The following KLHL1 variants were observed in gnomAD, a reference collection of about 807,000 sequenced individuals.
KLHL1 encodes the protein kelch like family member 1.
A neutral mutation model predicts 77.7 loss-of-function variants in KLHL1; 47 were observed. The observed-to-expected ratio is 0.60, with a 90% CI of 0.48 to 0.77. The LOEUF is 0.77. KLHL1 is among the 30% of genes least tolerant of loss of function. The pLI, the probability that KLHL1 is intolerant of heterozygous loss-of-function variation, is 0.00. For synonymous variants in KLHL1, 360 were observed against 325.2 expected (o/e 1.11, Z -1.15); for missense variants, 925 against 910.8 (o/e 1.02, Z -0.20).
intron 4 of KLHL1, among the ~76,000 whole-genome samples, chr13:69,883,683 A>AT (rs1883365654): frequency 6.6e-6 from 1 of 152,256 alleles, no homozygotes; most frequent in African/African-American, 2.4e-5. Context: ...TATTTGCTGA[A>AT]TACATGAATT....
intron 4 of KLHL1, among the ~76,000 whole-genome samples, chr13:69,918,585 C>A (rs1374274346): frequency 1.3e-5 from 2 of 151,888 alleles, no homozygotes; most frequent in Admixed American, 6.6e-5. Flanking sequence ...TTAATGGCAG[C>A]TAACTGCAGA....
intron 8 of KLHL1, among the ~76,000 whole-genome samples, chr13:69,720,114 C>A (rs1310129483): frequency 6.6e-6 from 1 of 151,876 alleles, no homozygotes; most frequent in Non-Finnish European, 1.5e-5. Flanking sequence ...TATACTATAG[C>A]TAAAAACAAG....
intron 6 of KLHL1, among the ~76,000 whole-genome samples, chr13:69,830,440 A>G (rs1593868569): frequency 6.7e-6 from 1 of 150,254 alleles, no homozygotes; most frequent in African/African-American, 2.5e-5. Context: ...GAGGTCCCAA[A>G]TTTATAAAAC....
At chr13:70,015,870 A>G (rs1386301583) in intron 1 of KLHL1, among the ~76,000 whole-genome samples, 4 of 152,210 alleles carry the variant, frequency 2.6e-5, no homozygotes, top group Non-Finnish European at 5.9e-5. Context: ...TAATATTACC[A>G]TAACATAACT....
intron 9 of KLHL1, among the ~76,000 whole-genome samples, chr13:69,714,569 T>TTTTTA (rs538358988): frequency 2.1e-4 from 32 of 151,844 alleles, no homozygotes; most frequent in African/African-American, 3.4e-4. Context: ...ATCCAAATTA[T>TTTTTA]TTTTATTTTA....
Position 70,108,068 on chromosome 13 carries a change from G to A in KLHL1, c.-369C>T, listed in dbSNP as rs752975861. 7.2e-6 allele frequency: 3 copies of A among 418,150 alleles called. No individual in the cohort carries two copies. Among genetic ancestry groups the A allele is most frequent in the Non-Finnish European group, 1.3e-5 (3 of 237,060 alleles). 25.9% of individuals were successfully genotyped at this position (418,150 alleles called of 1,614,324 possible). On this transcript the variant is annotated 5_prime_UTR_variant, in exon 1 of 11. Transcript: ENST00000377844. ...ATGCGCGAGGGAGGGAGGTCTGAGC[G>A]CTCCGAAGCTCCGGAGGCGGCTGCA...
intron 8 of KLHL1, among the ~76,000 whole-genome samples, chr13:69,731,521 C>G (rs1022578592): frequency 1.3e-5 from 2 of 152,076 alleles, no homozygotes; most frequent in African/African-American, 4.8e-5. Flanking sequence ...TGGAGTTTTT[C>G]TCAGCAACTA....
intron 2 of KLHL1, among the ~76,000 whole-genome samples, chr13:69,961,929 A>G (rs1038661361): frequency 1.3e-5 from 2 of 152,048 alleles, no homozygotes; most frequent in Non-Finnish European, 2.9e-5. Context: ...TTTTAAATTT[A>G]ACTATTAGTA....
chr13:69,988,313 C>T (rs192584221), intron 1 of KLHL1, among the ~76,000 whole-genome samples: 10 of 152,210 alleles, frequency 6.6e-5, no homozygotes, highest in Non-Finnish European at 1.5e-4. Flanking sequence ...TTCATGGTTG[C>T]ATACTATTAA....
intron 7 of KLHL1, among the ~76,000 whole-genome samples, chr13:69,765,566 A>G (rs1428026511): frequency 6.6e-6 from 1 of 152,178 alleles, no homozygotes; most frequent in Non-Finnish European, 1.5e-5. Context: ...CACAATGTCC[A>G]TGTCACAGAG....
intron 4 of KLHL1, chr13:69,895,110 A>G: frequency 2.1e-6 from 1 of 465,264 alleles, no homozygotes; most frequent in South Asian, 1.7e-5. Flanking sequence ...TTTTCTTCTA[A>G]TGGTTTCATT....
At chr13:69,816,427 A>ATT (rs111470171) in intron 6 of KLHL1, among the ~76,000 whole-genome samples, 8,420 of 147,192 alleles carry the variant, frequency 0.057, 313 homozygotes, top group Non-Finnish European at 0.085. Context: ...CGCCTGGCTA[A>ATT]TTTTTTTTTT....
At chr13:70,000,091 C>T (rs538354538) in intron 1 of KLHL1, among the ~76,000 whole-genome samples, 2 of 151,990 alleles carry the variant, frequency 1.3e-5, no homozygotes, top group East Asian at 3.9e-4. Flanking sequence ...AGGCTGGCAC[C>T]TCTTTCTCTG....
At chr13:69,934,999 TAC>T (rs1883134516) in intron 4 of KLHL1, among the ~76,000 whole-genome samples, 11 of 147,202 alleles carry the variant, frequency 7.5e-5, no homozygotes, top group African/African-American at 2.5e-4. Flanking sequence ...TGTATATATA[TAC>T]ATATTATCAT....
At chr13:70,014,405 G>T (rs1230728036) in intron 1 of KLHL1, among the ~76,000 whole-genome samples, 2 of 152,040 alleles carry the variant, frequency 1.3e-5, no homozygotes, top group South Asian at 2.1e-4. Flanking sequence ...ATTCACTGTT[G>T]TTTGTTTAAA....
intron 7 of KLHL1, among the ~76,000 whole-genome samples, chr13:69,791,446 A>G (rs1876869414): frequency 6.6e-6 from 1 of 152,138 alleles, no homozygotes; most frequent in African/African-American, 2.4e-5. Flanking sequence ...TTTTAAAAAA[A>G]TATGGAAATA....
chr13:69,907,006 T>C (rs961934680), intron 4 of KLHL1, among the ~76,000 whole-genome samples: 4 of 151,998 alleles, frequency 2.6e-5, no homozygotes, highest in Non-Finnish European at 4.4e-5. Context: ...ATTAATAATA[T>C]TGTCTATGAT....
intron 1 of KLHL1, among the ~76,000 whole-genome samples, chr13:70,086,791 T>A (rs1194704058): frequency 1.3e-5 from 2 of 151,750 alleles, no homozygotes; most frequent in Admixed American, 6.6e-5. Context: ...TATGCTAATA[T>A]AGTTTGATAT....
intron 3 of KLHL1, 114 bp downstream of exon 3, chr13:69,961,194 T>C: frequency 1.0e-6 from 1 of 970,128 alleles, no homozygotes; most frequent in Non-Finnish European, 1.5e-6. Flanking sequence ...AGTTTTCAAC[T>C]GAAAAGATAC....
Sources: allele counts gnomAD v4.1 joint callset (sites outside exome capture counted in the v4.1 genomes callset), GRCh38; gene constraint gnomAD v4.1.1; transcripts MANE v1.5; gene names NCBI Gene and HGNC (gene_info 2026-07-23, HGNC 2026-07-21).